The following NOCT variants were observed in gnomAD, a reference collection of about 807,000 sequenced individuals.
NOCT encodes the protein nocturnin.
A neutral mutation model predicts 35.0 loss-of-function variants in NOCT; 18 were observed. The observed-to-expected ratio is 0.51, with a 90% CI of 0.36 to 0.76. NOCT has a LOEUF of 0.76. NOCT is among the 30% of genes least tolerant of loss of function. The probability of loss-of-function intolerance (pLI) is 0.01; values close to 1 mark genes in which losing one functional copy is unlikely to be tolerated. For synonymous variants in NOCT, 235 were observed against 226.3 expected, an observed-to-expected ratio of 1.04 and a Z score of -0.34; for missense variants, 479 against 541.0, an observed-to-expected ratio of 0.89 and a Z score of 1.14.
chr4:139,039,070 C>T (rs1726787170), intron 1 of NOCT, among the ~76,000 whole-genome samples: 1 of 150,208 alleles, frequency 6.7e-6, no homozygotes, highest in South Asian at 2.1e-4. Flanking sequence ...GGTGTGGTGG[C>T]TCATGCCTGT....
intron 1 of NOCT, among the ~76,000 whole-genome samples, chr4:139,039,471 T>C (rs1726796327): frequency 6.6e-6 from 1 of 152,126 alleles, no homozygotes; most frequent in East Asian, 1.9e-4. Flanking sequence ...GTATTTTTTT[T>C]TAAGTTTTCT....
chr4:139,025,480 C>T (rs1726495998), intron 1 of NOCT, among the ~76,000 whole-genome samples: 1 of 152,106 alleles, frequency 6.6e-6, no homozygotes, highest in Admixed American at 6.6e-5. Flanking sequence ...TCATGCATCC[C>T]TTCTTGTTTT....
At chr4:139,025,316 A>G (rs561529353) in intron 1 of NOCT, among the ~76,000 whole-genome samples, 2 of 152,098 alleles carry the variant, frequency 1.3e-5, no homozygotes, top group African/African-American at 4.8e-5. Flanking sequence ...TGCCCTTTCT[A>G]TTTCTTGATT....
chr4:139,040,042 C>CTT (rs35176403), intron 1 of NOCT, among the ~76,000 whole-genome samples: 22 of 119,602 alleles, frequency 1.8e-4, no homozygotes, highest in Admixed American at 1.2e-3. Context: ...GTATCATTTT[C>CTT]TTTTTTTTTT....
At position 139,016,058 on chromosome 4, in the gene NOCT, C is replaced by T; in HGVS notation, c.77C>T (p.Pro26Leu). The T allele has an allele frequency of 7.2e-7, 1 of 1,387,384 alleles. No homozygotes were observed. The highest frequency in any genetic ancestry group is 1.6e-5 in the South Asian group (1 of 62,830). 85.9% of individuals were successfully genotyped at this position (1,387,384 alleles called of 1,614,324 possible). The change falls in exon 1 of 3, where the codon CCA becomes CTA. Residue 26 changes from proline to leucine, a missense_variant. Around this residue, in one of 2 missense-constraint regions of NOCT, gnomAD observed 265 missense variants for 257.0 expected, o/e 1.03. Transcript: ENST00000280614. ...CCCGGCCTGCGCCGCCTGCCCGCCC[C>T]AGGGCTGCGCCGCCCGTTGTCCCCG... ...DAPGLRRLPA[P>L]GLRRPLSPPA... is the part of the protein sequence containing the mutation.
At chr4:139,029,668 G>A (rs1312625948) in intron 1 of NOCT, among the ~76,000 whole-genome samples, 1 of 151,978 alleles carries the variant, frequency 6.6e-6, no homozygotes. Context: ...TTGCCCAGGC[G>A]GGTCTCGAGT....
At position 139,043,535 on chromosome 4, in the gene NOCT, TAGAA is replaced by T. The variant is rs1298562855; in HGVS notation, c.460+198_460+201del. 9.1e-5 allele frequency: 50 copies of T among 549,780 alleles called. No homozygotes were observed. In the East Asian group the frequency reaches 1.3e-3, roughly 15 times the overall value. The allele number at this position is 549,780 out of a possible 1,614,324, so 34.1% of individuals were successfully genotyped here. A position where few individuals can be genotyped will look rare whatever the true frequency, so the allele number is the denominator to read the frequency against. ...CTGGTTTTCACTTTTTTTTTTTTTT[TAGAA>T]AGAAAAAAGACACTTTAATTGTTCT... is the stretch of plus-strand genomic sequence containing the variant. On this transcript the variant is annotated intron_variant, in intron 2 of 2. Transcript: ENST00000280614.
chr4:139,030,188 G>A (rs962050773), intron 1 of NOCT, among the ~76,000 whole-genome samples: 4 of 152,238 alleles, frequency 2.6e-5, no homozygotes, highest in East Asian at 3.9e-4. Flanking sequence ...CTAGAGTTAC[G>A]TTTAATGGTG....
intron 1 of NOCT, among the ~76,000 whole-genome samples, chr4:139,036,249 C>T (rs1281181547): frequency 6.6e-6 from 1 of 151,830 alleles, no homozygotes; most frequent in African/African-American, 2.4e-5. Context: ...CTTTTTTTTC[C>T]TAGAGAGATA....
chr4:139,033,241 A>G (rs539046037), intron 1 of NOCT, among the ~76,000 whole-genome samples: 2 of 146,944 alleles, frequency 1.4e-5, no homozygotes, highest in South Asian at 2.2e-4. Flanking sequence ...GGTGTGTGAC[A>G]TAATACCAGC....
intron 1 of NOCT, among the ~76,000 whole-genome samples, chr4:139,040,262 G>A (rs1277449833): frequency 1.4e-5 from 2 of 147,038 alleles, no homozygotes; most frequent in Non-Finnish European, 3.0e-5. Context: ...AGATGGTCTC[G>A]ATCTTCTGAC....
At chr4:139,028,915 C>T (rs1157167301) in intron 1 of NOCT, among the ~76,000 whole-genome samples, 2 of 152,132 alleles carry the variant, frequency 1.3e-5, no homozygotes, top group Non-Finnish European at 2.9e-5. Flanking sequence ...GATCTCGGCT[C>T]ACTGCAACCT....
rs368349308 is a variant in NOCT at position 139,024,045 on chromosome 4, CTTTTTTT to C, written c.190+7889_190+7895del. Reference sequence around the variant, plus strand: ...GATCTATCCTCCGTGTCTATTCATCCTTTTTTTTTTTTTTTTTTTTTAAATTATTTTA... The same window carrying C: ...GATCTATCCTCCGTGTCTATTCATCCTTTTTTTTTTTTTTAAATTATTTTA... On this transcript the variant is annotated intron_variant, in intron 1 of 2. Coordinates refer to ENST00000280614, the MANE Select transcript of NOCT (RefSeq NM_012118.4). 1.6e-3 allele frequency among the ~76,000 whole-genome samples: 216 copies of C among 130,926 alleles called. 2 individuals carry two copies. The highest frequency in any genetic ancestry group is 0.013 in the South Asian group (56 of 4,210). The allele number at this position is 130,926 out of a possible 152,430, so 85.9% of individuals were successfully genotyped here.
intron 1 of NOCT, among the ~76,000 whole-genome samples, chr4:139,037,392 T>C (rs1466816744): frequency 6.6e-6 from 1 of 152,208 alleles, no homozygotes; most frequent in Non-Finnish European, 1.5e-5. Flanking sequence ...TTTTCAAATA[T>C]GAGTATAGAA....
intron 1 of NOCT, among the ~76,000 whole-genome samples, chr4:139,039,464 T>A (rs1189971451): frequency 8.2e-5 from 12 of 146,830 alleles, no homozygotes; most frequent in African/African-American, 3.2e-4. Context: ...TTTTTAAGTA[T>A]TTTTTTTTAA....
intron 1 of NOCT, among the ~76,000 whole-genome samples, chr4:139,022,081 T>C (rs1726426111): frequency 6.6e-6 from 1 of 152,190 alleles, no homozygotes; most frequent in Non-Finnish European, 1.5e-5. Flanking sequence ...TTATAGGGCT[T>C]TGATAGCCAC....
chr4:139,041,840 T>C (rs1191423888), intron 1 of NOCT, among the ~76,000 whole-genome samples: 2 of 152,090 alleles, frequency 1.3e-5, no homozygotes, highest in African/African-American at 4.8e-5. Context: ...TTATAGAGTA[T>C]ACCACTCAGT....
At chr4:139,020,341 G>A (rs1301566813) in intron 1 of NOCT, among the ~76,000 whole-genome samples, 13 of 152,214 alleles carry the variant, frequency 8.5e-5, no homozygotes, top group Admixed American at 6.5e-4. Flanking sequence ...TAATTGCAGT[G>A]GGAGTTGAGA....
intron 1 of NOCT, among the ~76,000 whole-genome samples, chr4:139,041,570 A>G (rs1167608697): frequency 3.3e-5 from 5 of 152,238 alleles, no homozygotes; most frequent in Non-Finnish European, 7.3e-5. Context: ...CATAATGCTA[A>G]TTAGTTGAAG....
Sources: allele counts gnomAD v4.1 joint callset (sites outside exome capture counted in the v4.1 genomes callset), GRCh38; gene constraint gnomAD v4.1.1; regional missense constraint gnomAD v4.1.1; transcripts MANE v1.5; gene names NCBI Gene and HGNC (gene_info 2026-07-23, HGNC 2026-07-21).